DGKB: variants seen among roughly 807,000 people sequenced by gnomAD.
DGKB encodes 90 kDa diacylglycerol kinase.
In DGKB, 67 loss-of-function variants were observed where a neutral mutation model predicts 114.3. The ratio of observed to expected loss-of-function variants is 0.59; its 90% CI spans 0.48 to 0.72. The LOEUF (loss-of-function observed/expected upper bound fraction) is 0.72, where lower values mean the gene tolerates loss of function less well. Ranked by LOEUF, DGKB falls within the 30% of genes least tolerant of loss-of-function variation. The pLI is 0.00. For synonymous variants in DGKB, 398 were observed against 323.1 expected, an observed-to-expected ratio of 1.23 and a Z score of -2.49; for missense variants, 907 against 975.2, an observed-to-expected ratio of 0.93 and a Z score of 0.93.
At chr7:14,700,768 A>G (rs1166903048) in intron 7 of DGKB, among the ~76,000 whole-genome samples, 1 of 152,202 alleles carries the variant, frequency 6.6e-6, no homozygotes, top group Non-Finnish European at 1.5e-5. Flanking sequence ...TTCAGAGATC[A>G]TGTCTATTTC....
chr7:14,886,198 TA>T (rs1562813965), intron 1 of DGKB, among the ~76,000 whole-genome samples: 1 of 151,684 alleles, frequency 6.6e-6, no homozygotes, highest in Non-Finnish European at 1.5e-5. Flanking sequence ...CAGAAAAGAT[TA>T]AAAGATAGAA....
At chr7:14,770,381 T>C (rs567929904) in intron 2 of DGKB, among the ~76,000 whole-genome samples, 5 of 152,182 alleles carry the variant, frequency 3.3e-5, no homozygotes, top group South Asian at 4.1e-4. Context: ...ACATCATCCA[T>C]TGTTGGGATT....
intron 20 of DGKB, among the ~76,000 whole-genome samples, chr7:14,530,946 T>TA (rs1398368648): frequency 6.6e-6 from 1 of 151,504 alleles, no homozygotes; most frequent in Non-Finnish European, 1.5e-5. Flanking sequence ...AACTTAAATT[T>TA]AAACCAAAAA....
intron 21 of DGKB, among the ~76,000 whole-genome samples, chr7:14,425,381 C>T (rs990010956): frequency 6.6e-6 from 1 of 152,004 alleles, no homozygotes; most frequent in African/African-American, 2.4e-5. Flanking sequence ...ATCAACTGAA[C>T]CATATAGTTG....
At chr7:14,695,494 C>CTTTTTTCTTT (rs1823674982) in intron 8 of DGKB, among the ~76,000 whole-genome samples, 1 of 75,156 alleles carries the variant, frequency 1.3e-5, no homozygotes, top group African/African-American at 5.9e-5. Flanking sequence ...CTCTCTCTCT[C>CTTTTTTCTTT]TTTTTTTTTT....
intron 5 of DGKB, among the ~76,000 whole-genome samples, chr7:14,724,375 A>C (rs1050659534): frequency 6.6e-6 from 1 of 152,154 alleles, no homozygotes; most frequent in Non-Finnish European, 1.5e-5. Context: ...GTTTACCCAA[A>C]CCGGCAGCAA....
intron 23 of DGKB, among the ~76,000 whole-genome samples, chr7:14,329,218 G>A (rs1359159430): frequency 1.3e-5 from 2 of 151,818 alleles, no homozygotes; most frequent in African/African-American, 2.4e-5. Context: ...GATTTTTCAA[G>A]AAACAAGTTC....
intron 2 of DGKB, among the ~76,000 whole-genome samples, chr7:14,822,798 T>G (rs1422195228): frequency 6.6e-6 from 1 of 152,156 alleles, no homozygotes; most frequent in Non-Finnish European, 1.5e-5. Context: ...ATCAAAGTGT[T>G]AGTTTCTTCC....
At chr7:14,650,900 A>T (rs1052537888) in intron 13 of DGKB, among the ~76,000 whole-genome samples, 4 of 152,124 alleles carry the variant, frequency 2.6e-5, no homozygotes, top group Non-Finnish European at 4.4e-5. Context: ...AATCTAGAAG[A>T]AATGGATAAA....
intron 21 of DGKB, among the ~76,000 whole-genome samples, chr7:14,384,029 TG>T (rs1314977020): frequency 3.9e-5 from 6 of 152,210 alleles, no homozygotes; most frequent in African/African-American, 1.4e-4. Context: ...CTTTTAAACA[TG>T]AGGTATGTAC....
intron 1 of DGKB, among the ~76,000 whole-genome samples, chr7:14,908,967 A>G (rs1193069211): frequency 1.3e-5 from 2 of 152,176 alleles, no homozygotes; most frequent in African/African-American, 4.8e-5. Flanking sequence ...GTTAGTTTGA[A>G]AAAGTAAGGA....
At chr7:14,827,229 T>A (rs572290050) in intron 2 of DGKB, among the ~76,000 whole-genome samples, 1 of 152,286 alleles carries the variant, frequency 6.6e-6, no homozygotes, top group South Asian at 2.1e-4. Context: ...GTACAGGGAC[T>A]ACCTTTAAAA....
At chr7:14,914,205 T>G (rs781076319) in intron 1 of DGKB, among the ~76,000 whole-genome samples, 1 of 152,128 alleles carries the variant, frequency 6.6e-6, no homozygotes, top group Non-Finnish European at 1.5e-5. Context: ...ATTAAAAAGC[T>G]CAGCTCCATC....
intron 2 of DGKB, among the ~76,000 whole-genome samples, chr7:14,829,104 T>A (rs866269866): frequency 5.5e-4 from 84 of 152,212 alleles, no homozygotes; most frequent in African/African-American, 1.9e-3. Flanking sequence ...AAGTGTTAGA[T>A]GGTTGGAATG....
chr7:14,721,501 T>A (rs1455569720), intron 5 of DGKB, among the ~76,000 whole-genome samples: 2 of 151,850 alleles, frequency 1.3e-5, no homozygotes, highest in Non-Finnish European at 2.9e-5. Context: ...TAAAGCTGTA[T>A]CATGTATTTA....
chr7:14,284,281 C>T (rs1266322811), intron 23 of DGKB, among the ~76,000 whole-genome samples: 1 of 146,614 alleles, frequency 6.8e-6, no homozygotes, highest in Non-Finnish European at 1.5e-5. Context: ...CACTGGCCAT[C>T]AGAGAAATGC....
At chr7:14,635,129 C>T (rs1810487136) in intron 13 of DGKB, among the ~76,000 whole-genome samples, 1 of 151,586 alleles carries the variant, frequency 6.6e-6, no homozygotes, top group East Asian at 2.0e-4. Flanking sequence ...TCTCACCTGA[C>T]TCAAATTTTA....
intron 2 of DGKB, among the ~76,000 whole-genome samples, chr7:14,794,162 G>T (rs1051615502): frequency 6.6e-6 from 1 of 152,210 alleles, no homozygotes; most frequent in African/African-American, 2.4e-5. Context: ...TTTCTCTGAA[G>T]AACCCTCACT....
chr7:14,243,192 C>T (rs533176106), intron 23 of DGKB, among the ~76,000 whole-genome samples: 2 of 152,114 alleles, frequency 1.3e-5, no homozygotes, highest in East Asian at 1.9e-4. Context: ...TGAACACTTG[C>T]TTATTGCTTT....
Sources: allele counts gnomAD v4.1 joint callset (sites outside exome capture counted in the v4.1 genomes callset), GRCh38; gene constraint gnomAD v4.1.1; transcripts MANE v1.5; gene names NCBI Gene and HGNC (gene_info 2026-07-23, HGNC 2026-07-21).